ADCY2: variants seen among roughly 807,000 people sequenced by gnomAD.
The protein encoded by ADCY2 is adenylate cyclase type 2.
In ADCY2, 31 loss-of-function variants were observed where a neutral mutation model predicts 125.2. The observed-to-expected ratio is 0.25, with a 90% CI of 0.19 to 0.33. The LOEUF (loss-of-function observed/expected upper bound fraction) is 0.33. ADCY2 is among the 10% of genes least tolerant of loss of function. ADCY2 has a pLI of 1.00. For missense variants in ADCY2, 904 were observed against 1,418.2 expected, an observed-to-expected ratio of 0.64 and a Z score of 5.82; for synonymous variants, 512 against 548.4, an observed-to-expected ratio of 0.93 and a Z score of 0.93.
chr5:7,700,688 A>G (rs1216240820), intron 7 of ADCY2, among the ~76,000 whole-genome samples: 1 of 92,148 alleles, frequency 1.1e-5, no homozygotes, highest in African/African-American at 3.7e-5. Flanking sequence ...TGGGAAGATT[A>G]ATGCCCCCAC....
chr5:7,741,337 C>A (rs1742399442), intron 14 of ADCY2, among the ~76,000 whole-genome samples: 1 of 152,062 alleles, frequency 6.6e-6, no homozygotes, highest in African/African-American at 2.4e-5. Context: ...ATAACTTGGG[C>A]AAGTTCCTCA....
chr5:7,708,411 C>G (rs1281324920), intron 9 of ADCY2, among the ~76,000 whole-genome samples: 1 of 152,194 alleles, frequency 6.6e-6, no homozygotes, highest in Admixed American at 6.5e-5. Flanking sequence ...GAGAAACTAT[C>G]TCTTATTTCA....
intron 3 of ADCY2, among the ~76,000 whole-genome samples, chr5:7,565,792 C>T (rs1358978623): frequency 6.6e-6 from 1 of 152,164 alleles, no homozygotes; most frequent in Non-Finnish European, 1.5e-5. Context: ...GTCTGCTCCC[C>T]TAAGAAACCG....
rs76763001 is a variant in ADCY2, at chr5:7,758,877, C to A, written c.2094+1291C>A. 5.9e-3 allele frequency among the ~76,000 whole-genome samples: 895 copies of A among 152,228 alleles called. 6 individuals are homozygous for A. Among genetic ancestry groups the A allele is most frequent in the African/African-American group, 0.021 (854 of 41,528 alleles). On this transcript the variant is annotated intron_variant, in intron 16 of 24. Coordinates refer to ENST00000338316, the MANE Select transcript of ADCY2 (RefSeq NM_020546.3). ...GGGACAAGAGTAGAAATTCATATTACGAAGTAGAGAAAAACAAGGCTGAAG... is the reference window on the plus strand; with the variant it reads ...GGGACAAGAGTAGAAATTCATATTAAGAAGTAGAGAAAAACAAGGCTGAAG...
At chr5:7,817,023 A>G (rs1439572298) in intron 23 of ADCY2, 43 bp downstream of exon 23, 1 of 1,474,670 alleles carries the variant, frequency 6.8e-7, no homozygotes, top group East Asian at 2.3e-5. Context: ...TGTGGCAAAG[A>G]TGTGGAATAA....
chr5:7,572,349 A>G (rs1228751775), intron 3 of ADCY2, among the ~76,000 whole-genome samples: 6 of 151,900 alleles, frequency 3.9e-5, no homozygotes, highest in Non-Finnish European at 5.9e-5. Flanking sequence ...GCCATTCTGA[A>G]TTGTGTTAGA....
intron 15 of ADCY2, among the ~76,000 whole-genome samples, chr5:7,746,986 G>A (rs79460074): frequency 1.7e-5 from 2 of 120,174 alleles, no homozygotes; most frequent in Admixed American, 1.7e-4. Flanking sequence ...AAATGGTGAT[G>A]ATGAATTGCA....
intron 3 of ADCY2, among the ~76,000 whole-genome samples, chr5:7,579,976 A>C (rs1736374462): frequency 6.6e-6 from 1 of 152,238 alleles, no homozygotes; most frequent in Non-Finnish European, 1.5e-5. Flanking sequence ...ACGTGGATGC[A>C]GGTGGAGGCC....
At chr5:7,784,295 C>A in intron 18 of ADCY2, 70 bp from the exon 19 acceptor site, 1 of 1,118,016 alleles carries the variant, frequency 8.9e-7, no homozygotes, top group Non-Finnish European at 1.4e-6. Context: ...TGTTGATATT[C>A]AAATTCTAAG....
intron 2 of ADCY2, among the ~76,000 whole-genome samples, chr5:7,455,587 T>A (rs1244330568): frequency 1.3e-5 from 2 of 149,362 alleles, no homozygotes; most frequent in Non-Finnish European, 3.0e-5. Flanking sequence ...AACATAAAAA[T>A]GTACATATTA....
At position 7,622,644 on chromosome 5, in the gene ADCY2, G is replaced by A. The variant is rs143716472; in HGVS notation, c.571-3523G>A. On this transcript the variant is annotated intron_variant, in intron 3 of 24. Transcript: ENST00000338316. Reference sequence around the variant, plus strand: ...AGTGCAAGTGTGCCAGTAGAATGTGGCAGTTGGAGAGCATTGGCTGGAAGA... The same window carrying A: ...AGTGCAAGTGTGCCAGTAGAATGTGACAGTTGGAGAGCATTGGCTGGAAGA... Among the ~76,000 whole-genome samples, 41 of 152,328 alleles carry A rather than the reference G, an allele frequency of 2.7e-4. No homozygotes were observed. In the East Asian group the frequency reaches 7.9e-3, roughly 29 times the overall value.
At chr5:7,647,638 T>C (rs1221118213) in intron 4 of ADCY2, among the ~76,000 whole-genome samples, 1 of 152,144 alleles carries the variant, frequency 6.6e-6, no homozygotes, top group Non-Finnish European at 1.5e-5. Context: ...ATCTTAAAAA[T>C]TAAGAAAATG....
At chr5:7,584,219 A>G (rs2126615923) in intron 3 of ADCY2, among the ~76,000 whole-genome samples, 1 of 152,242 alleles carries the variant, frequency 6.6e-6, no homozygotes, top group African/African-American at 2.4e-5. Flanking sequence ...GGATAGTCCT[A>G]AAAGACACAA....
intron 2 of ADCY2, among the ~76,000 whole-genome samples, chr5:7,452,642 T>C (rs578134794): frequency 2.6e-5 from 4 of 152,232 alleles, no homozygotes; most frequent in Non-Finnish European, 5.9e-5. Flanking sequence ...GATCAAATGG[T>C]AGATCCACTT....
At chr5:7,797,308 G>A (rs929164618) in intron 20 of ADCY2, 2 of 152,240 alleles carry the variant, frequency 1.3e-5, no homozygotes, top group African/African-American at 2.4e-5. Flanking sequence ...TGCAGCCCAA[G>A]TCAGTGAGAC....
At position 7,805,343 on chromosome 5, in the gene ADCY2, A is replaced by G. The variant is rs925816367; in HGVS notation, c.2883+651A>G. Reference sequence around the variant, plus strand: ...CTAAAAAATGAATTAAAATAAAATAATGTGGTCAAAAAACAAGTTGGCCAC... The same window carrying G: ...CTAAAAAATGAATTAAAATAAAATAGTGTGGTCAAAAAACAAGTTGGCCAC... On this transcript the variant is annotated intron_variant, in intron 22 of 24. Transcript: ENST00000338316. Among the ~76,000 whole-genome samples, 8 of 152,112 alleles carry G rather than the reference A, an allele frequency of 5.3e-5. No homozygotes were observed. In the East Asian group the frequency reaches 1.3e-3, roughly 26 times the overall value.
chr5:7,572,351 T>G (rs10059364), intron 3 of ADCY2, among the ~76,000 whole-genome samples: 95,013 of 151,866 alleles, frequency 0.63, 30,503 homozygotes, highest in Non-Finnish European at 0.7. Context: ...CATTCTGAAT[T>G]GTGTTAGATG....
intron 7 of ADCY2, among the ~76,000 whole-genome samples, chr5:7,699,114 TTGAGACGGAGTCTC>T (rs1235453602): frequency 8.8e-6 from 1 of 113,314 alleles, no homozygotes; most frequent in South Asian, 2.9e-4. Flanking sequence ...TTTTTTTTTT[TTGAGACGGAGTCTC>T]GCTCTGTCGC....
intron 2 of ADCY2, among the ~76,000 whole-genome samples, chr5:7,454,329 T>A (rs765329957): frequency 1.8e-4 from 27 of 152,324 alleles, no homozygotes; most frequent in Non-Finnish European, 3.4e-4. Context: ...TTCAACATAA[T>A]TTTTATATGC....
Sources: allele counts gnomAD v4.1 joint callset (sites outside exome capture counted in the v4.1 genomes callset), GRCh38; gene constraint gnomAD v4.1.1; transcripts MANE v1.5; gene names NCBI Gene and HGNC (gene_info 2026-07-23, HGNC 2026-07-21).